DENND4C: variants seen among roughly 807,000 people sequenced by gnomAD.
The protein encoded by DENND4C is DENN domain-containing protein 4C.
In DENND4C, 108 loss-of-function variants were observed where a neutral mutation model predicts 203.0. That is an observed-to-expected ratio of 0.53 (90% CI 0.46 to 0.62). DENND4C has a LOEUF of 0.62. DENND4C is among the 20% of genes least tolerant of loss of function. The pLI, the probability that DENND4C is intolerant of heterozygous loss-of-function variation, is 0.00. For missense variants in DENND4C, 2,481 were observed against 2,301.2 expected (o/e 1.08, Z -1.60); for synonymous variants, 871 against 792.4 (o/e 1.10, Z -1.67).
intron 1 of DENND4C, among the ~76,000 whole-genome samples, chr9:19,249,420 T>A (rs1205824163): frequency 6.6e-6 from 1 of 151,130 alleles, no homozygotes; most frequent in Non-Finnish European, 1.5e-5. Flanking sequence ...GCCCGGCTAA[T>A]TTTTTTTGTA....
At chr9:19,328,653 GTCTGTCTATCTATCTATCTA>G (rs1177435905) in intron 16 of DENND4C, among the ~76,000 whole-genome samples, 2 of 84,414 alleles carry the variant, frequency 2.4e-5, no homozygotes, top group Non-Finnish European at 5.4e-5. Flanking sequence ...CTGTCTGTCT[GTCTGTCTATCTATCTATCTA>G]TCTATCTATC....
At chr9:19,339,757 C>G (rs1164095506) in intron 20 of DENND4C, among the ~76,000 whole-genome samples, 1 of 152,164 alleles carries the variant, frequency 6.6e-6, no homozygotes, top group African/African-American at 2.4e-5. Context: ...CTGAACCAGT[C>G]ATTACTATGA....
At chr9:19,297,732 A>G (rs1837752715) in intron 6 of DENND4C, among the ~76,000 whole-genome samples, 2 of 152,294 alleles carry the variant, frequency 1.3e-5, no homozygotes, top group African/African-American at 4.8e-5. Context: ...TAGCACAGTT[A>G]GTTGCTCCCT....
intron 1 of DENND4C, among the ~76,000 whole-genome samples, chr9:19,245,855 CAAAA>C (rs60726607): frequency 1.5e-5 from 2 of 137,224 alleles, no homozygotes; most frequent in South Asian, 2.3e-4. Context: ...GACTCCGTCT[CAAAA>C]AAAAAAAAAA....
intron 2 of DENND4C, among the ~76,000 whole-genome samples, chr9:19,277,931 TTC>T (rs1288015622): frequency 6.6e-6 from 1 of 152,140 alleles, no homozygotes; most frequent in African/African-American, 2.4e-5. Context: ...TCTTCCTTTG[TTC>T]TCTTAGTGTC....
chr9:19,328,697 GTCTA>G (rs1465381696), intron 16 of DENND4C, among the ~76,000 whole-genome samples: 64 of 129,106 alleles, frequency 5.0e-4, no homozygotes, highest in East Asian at 4.9e-3. Flanking sequence ...CTATCTATCT[GTCTA>G]TCTATCAATC....
At chr9:19,248,609 C>CG (rs1825821803) in intron 1 of DENND4C, among the ~76,000 whole-genome samples, 1 of 151,914 alleles carries the variant, frequency 6.6e-6, no homozygotes, top group African/African-American at 2.4e-5. Flanking sequence ...AGGCTGGTCT[C>CG]GAACTCCCGA....
At chr9:19,334,002 G>T (rs1313168501) in intron 17 of DENND4C, among the ~76,000 whole-genome samples, 1 of 151,988 alleles carries the variant, frequency 6.6e-6, no homozygotes, top group African/African-American at 2.4e-5. Context: ...ATAGTGATTG[G>T]GGAGAGAGAG....
chr9:19,286,650 T>G, intron 2 of DENND4C, 119 bp from the exon 3 acceptor site: 2 of 1,013,606 alleles, frequency 2.0e-6, no homozygotes, highest in Non-Finnish European at 2.5e-6. Context: ...CCAAAAAAAT[T>G]TTCTTTGATT....
In DENND4C at chr9:19,299,246, A is replaced by C. The variant is rs150320765; in HGVS notation, c.1125A>C (p.Ala375=). The change falls in exon 8 of 33, where the codon GCA becomes GCC. Residue 375 remains alanine (A), a synonymous_variant. Transcript: ENST00000434457. ...TTTTTAAGCTGTCAGTCCATGATGC[A>C]TTAATATTATCACAGCCAGTTTCTA... ...RILVQLSVHD[A]LILSQPVSTP... 7 of 1,584,452 alleles carry C rather than the reference A, an allele frequency of 4.4e-6. No homozygotes were observed. The African/African-American group carries it at 9.6e-5, about 22-fold the overall frequency.
chr9:19,256,210 A>G (rs556813502), intron 1 of DENND4C, among the ~76,000 whole-genome samples: 3 of 152,134 alleles, frequency 2.0e-5, no homozygotes, highest in African/African-American at 2.4e-5. Context: ...AGTAACAGAA[A>G]GATTCTTGGA....
intron 30 of DENND4C, among the ~76,000 whole-genome samples, chr9:19,367,818 A>G (rs1828002357): frequency 6.6e-6 from 1 of 152,254 alleles, no homozygotes; most frequent in Non-Finnish European, 1.5e-5. Context: ...TGGCAACAGA[A>G]AACAATGAAG....
In DENND4C at chr9:19,358,246, TATTTTAATTAC is replaced by T; in HGVS notation, c.5160+89_5160+99del. 9.3e-7 allele frequency: 1 copy of T among 1,072,268 alleles called. No homozygotes were observed. Among genetic ancestry groups the T allele is most frequent in the South Asian group, 2.4e-5 (1 of 40,904 alleles). The allele number at this position is 1,072,268 out of a possible 1,614,324, so 66.4% of individuals were successfully genotyped here. On this transcript the variant is annotated intron_variant, in intron 28 of 32. Coordinates refer to ENST00000434457, the MANE Select transcript of DENND4C (RefSeq NM_001330640.2). This position sits in a 1 kb window ranked among gnomAD's most constrained non-coding sequence, Gnocchi z 4.8. ...ATTATAAATTCTTCTGTAGTGGACT[TATTTTAATTAC>T]ATGAAAAGTGATAGAGTTTTTCCAT... is the stretch of plus-strand genomic sequence containing the variant.
At chr9:19,356,108 G>T (rs1287066429) in intron 26 of DENND4C, among the ~76,000 whole-genome samples, 1 of 151,722 alleles carries the variant, frequency 6.6e-6, no homozygotes, top group Non-Finnish European at 1.5e-5. Context: ...CAATGAGCAC[G>T]CAAATATCTA....
chr9:19,253,969 C>T (rs1337822044), intron 1 of DENND4C, among the ~76,000 whole-genome samples: 2 of 152,046 alleles, frequency 1.3e-5, no homozygotes, highest in African/African-American at 4.8e-5. Context: ...AGTGAGATAC[C>T]ATGTCTACAA....
chr9:19,272,369 G>A (rs1286714084), intron 1 of DENND4C, among the ~76,000 whole-genome samples: 4 of 151,666 alleles, frequency 2.6e-5, no homozygotes, highest in Non-Finnish European at 5.9e-5. Context: ...GCAGTGAGCC[G>A]AGATTGCGCC....
Position 19,332,088 on chromosome 9 carries a change from C to T in DENND4C, c.2364C>T (p.Ala788=). ...CYSLWFICLP[A]YVRVSHPKVR... is the part of the protein sequence containing the mutation. ...GTTTATGGTTTATTTGTCTTCCGGCCTATGTTAGAGTTTCTCATCCTAAAG... is the reference window on the plus strand; with the variant it reads ...GTTTATGGTTTATTTGTCTTCCGGCTTATGTTAGAGTTTCTCATCCTAAAG... Residue 788 remains alanine (A), a synonymous_variant, in exon 17 of 33, where the codon GCC becomes GCT. Transcript: ENST00000434457. 2 of 1,614,004 alleles carry T rather than the reference C, an allele frequency of 1.2e-6. No homozygotes were observed. Among genetic ancestry groups the T allele is most frequent in the Non-Finnish European group, 1.7e-6 (2 of 1,179,986 alleles).
At chr9:19,298,684 T>C (rs1402752903) in intron 7 of DENND4C, among the ~76,000 whole-genome samples, 6 of 152,286 alleles carry the variant, frequency 3.9e-5, no homozygotes, top group Middle Eastern at 3.4e-3. Flanking sequence ...AATGGTTTGC[T>C]CTTCATTTAT....
At chr9:19,300,071 G>A in intron 8 of DENND4C, 116 bp from the exon 9 acceptor site, 1 of 1,056,882 alleles carries the variant, frequency 9.5e-7, no homozygotes, top group Non-Finnish European at 1.3e-6. Flanking sequence ...TGATAAATAA[G>A]TAAAGACTAG....
Sources: allele counts gnomAD v4.1 joint callset (sites outside exome capture counted in the v4.1 genomes callset), GRCh38; gene constraint gnomAD v4.1.1; non-coding constraint Gnocchi (gnomAD v3.1); transcripts MANE v1.5; gene names NCBI Gene and HGNC (gene_info 2026-07-23, HGNC 2026-07-21).